GRHL1: variants seen among roughly 807,000 people sequenced by gnomAD.
The protein encoded by GRHL1 is grainyhead like transcription factor 1, also known as grainyhead-like protein 1 homolog.
Under a neutral mutation model 75.7 loss-of-function variants are expected in GRHL1, and 38 were observed. The ratio of observed to expected loss-of-function variants is 0.50; its 90% confidence interval spans 0.39 to 0.66. GRHL1 has a LOEUF of 0.66. Among genes scored for constraint, GRHL1 ranks in the 30% least tolerant of loss-of-function variants. The pLI is 0.00. For synonymous variants in GRHL1, 266 were observed against 279.4 expected, an observed-to-expected ratio of 0.95 and a Z score of 0.48; for missense variants, 589 against 767.5, an observed-to-expected ratio of 0.77 and a Z score of 2.75.
Position 9,968,707 on chromosome 2 carries a change from G to A in GRHL1, c.1110+3326G>A, listed in dbSNP as rs1242792437. Among the ~76,000 whole-genome samples the A allele has an allele frequency of 6.6e-6, 1 of 152,032 alleles. No individual in the cohort carries two copies. Among genetic ancestry groups the A allele is most frequent in the Non-Finnish European group, 1.5e-5 (1 of 68,014 alleles). ...GAGAGGCCTAGGAGCTGAGGGGAGG[G>A]GTGCATACAGCGAGATGGGAGAAAG... On this transcript the variant is annotated intron_variant, in intron 8 of 15. Transcript: ENST00000324907. The surrounding 1 kb of genome is among the most constrained non-coding windows in gnomAD (Gnocchi z 4.7).
chr2:9,964,209 A>C, intron 6 of GRHL1, 26 bp from the exon 7 acceptor site: 1 of 1,428,126 alleles, frequency 7.0e-7, no homozygotes, highest in East Asian at 2.3e-5. Context: ...TAGTGTCTTT[A>C]TGTTGTAATG....
intron 8 of GRHL1, among the ~76,000 whole-genome samples, chr2:9,969,713 G>C (rs1170558589): frequency 6.6e-6 from 1 of 152,180 alleles, no homozygotes; most frequent in Non-Finnish European, 1.5e-5. Flanking sequence ...TCTGGGGGTG[G>C]TGTAGGGACA....
At chr2:9,994,646 CTG>C (rs1201926680) in intron 12 of GRHL1, among the ~76,000 whole-genome samples, 2 of 152,098 alleles carry the variant, frequency 1.3e-5, no homozygotes, top group African/African-American at 2.4e-5. Flanking sequence ...TAGACGGCTG[CTG>C]TGTGTTAGGA....
chr2:9,963,933 A>T lies in GRHL1; in HGVS notation c.794A>T (p.Lys265Met), dbSNP rs926399193. 36 of 1,613,852 alleles carry T rather than the reference A, an allele frequency of 2.2e-5. No homozygotes were observed. The highest frequency in any genetic ancestry group is 3.0e-5 in the Non-Finnish European group (35 of 1,179,836). Residue 265 changes from lysine (K) to methionine (M), a missense_variant, in exon 6 of 16, where the codon AAG (lysine) becomes ATG (methionine). Physicochemically the swap from Lys to Met is moderately conservative, Grantham distance 95 (BLOSUM62 -1). Coordinates refer to ENST00000324907, the MANE Select transcript of GRHL1 (RefSeq NM_198182.3). ...GAAGCTTCAAAATCACTTCGACAGA[A>T]GCCAGGAGACAGTACCATGACGTAC... ...TLEASKSLRQ[K>M]PGDSTMTYLN... is the part of the protein sequence containing the mutation.
rs145782717 is a variant in GRHL1, at chr2:9,996,946, G to C, written c.1677+545G>C. 6.2e-3 allele frequency among the ~76,000 whole-genome samples: 950 copies of C among 152,298 alleles called. 9 individuals carry two copies. Among genetic ancestry groups the C allele is most frequent in the African/African-American group, 0.022 (914 of 41,536 alleles). Reference sequence around the variant, plus strand: ...TCCCTGTGGGGATATCAGTAAGAGAGGAAACATGGAAGGCTGCTGTGTTAA... The same window carrying C: ...TCCCTGTGGGGATATCAGTAAGAGACGAAACATGGAAGGCTGCTGTGTTAA... On this transcript the variant is annotated intron_variant, in intron 14 of 15. Coordinates refer to ENST00000324907, the MANE Select transcript of GRHL1 (RefSeq NM_198182.3).
At position 9,951,792 on chromosome 2, in the gene GRHL1, C is replaced by T; in HGVS notation, c.-42C>T. ...CCGGATCGGGTGTACTGTCCCAACC[C>T]GAAAGTCCAGTTCTGCGGCCCGGCA... On this transcript the variant is annotated 5_prime_UTR_variant, in exon 1 of 16. Coordinates refer to ENST00000324907, the MANE Select transcript of GRHL1 (RefSeq NM_198182.3). The surrounding 1 kb of genome is among the most constrained non-coding windows in gnomAD (Gnocchi z 4.2). 6.6e-7 allele frequency: 1 copy of T among 1,518,728 alleles called. No homozygotes were observed. The highest frequency in any genetic ancestry group is 8.8e-7 in the Non-Finnish European group (1 of 1,130,976). The allele number at this position is 1,518,728 out of a possible 1,614,324, so 94.1% of individuals were successfully genotyped here.
Position 9,951,980 on chromosome 2 carries a change from C to G in GRHL1, c.20+127C>G, listed in dbSNP as rs1430964037. 1 of 347,858 alleles carries G rather than the reference C, an allele frequency of 2.9e-6. No homozygotes were observed. Among genetic ancestry groups the G allele is most frequent in the African/African-American group, 2.2e-5 (1 of 45,222 alleles). 21.5% of individuals were successfully genotyped at this position (347,858 alleles called of 1,614,324 possible). ...CGGGCGCGGGGCGCGAGCCGGGGGC[C>G]GCTGTCCACTCCACGCCGCCACGGC... On this transcript the variant is annotated intron_variant, in intron 1 of 15. Transcript: ENST00000324907. This position sits in a 1 kb window ranked among gnomAD's most constrained non-coding sequence, Gnocchi z 4.2.
intron 14 of GRHL1, among the ~76,000 whole-genome samples, chr2:9,997,605 T>C (rs1668923940): frequency 6.6e-6 from 1 of 152,104 alleles, no homozygotes; most frequent in Admixed American, 6.5e-5. Flanking sequence ...GAGGATCACC[T>C]GAGGTCAGGA....
Position 9,951,825 on chromosome 2 carries a change from G to T in GRHL1, c.-9G>T, listed in dbSNP as rs1666783371. 2 of 1,527,276 alleles carry T rather than the reference G, an allele frequency of 1.3e-6. No individual in the cohort carries two copies. The highest frequency in any genetic ancestry group is 1.4e-5 in the African/African-American group (1 of 69,298). 94.6% of individuals were successfully genotyped at this position (1,527,276 alleles called of 1,614,324 possible). ...CAGTTCTGCGGCCCGGCAGCGGCGA[G>T]CGGGCGCGATGACACAGGAGTACGA... is the stretch of plus-strand genomic sequence containing the variant. On this transcript the variant is annotated 5_prime_UTR_variant, in exon 1 of 16. Transcript: ENST00000324907. This position sits in a 1 kb window ranked among gnomAD's most constrained non-coding sequence, Gnocchi z 4.2.
chr2:9,978,523 A>G (rs1199484234), intron 8 of GRHL1, among the ~76,000 whole-genome samples: 1 of 152,156 alleles, frequency 6.6e-6, no homozygotes, highest in African/African-American at 2.4e-5. Flanking sequence ...AGGCCTTGAG[A>G]ATTTGGATTC....
intron 8 of GRHL1, among the ~76,000 whole-genome samples, chr2:9,981,342 A>C (rs542442649): frequency 1.3e-5 from 2 of 152,358 alleles, no homozygotes; most frequent in Non-Finnish European, 2.9e-5. Context: ...ATGTCTTGCC[A>C]GGAAGTCGCT....
chr2:9,993,228 G>T lies in GRHL1; in HGVS notation c.1483G>T (p.Glu495Ter). ...TTAGGTCCTTCCCATTGCCTCTGAA[G>T]AATTGGAGGGTGAAGGGTAAGATTT... ...GTHVLPIASE[E>*]LEGEGSVLKR... The change falls in exon 12 of 16, where the codon GAA becomes TAA. Residue 495 changes from glutamate (E) to a stop codon, truncating the protein, a stop_gained. Transcript: ENST00000324907. LOFTEE classifies it high-confidence loss of function. The T allele has an allele frequency of 6.2e-7, 1 of 1,610,704 alleles. No homozygotes were observed. Among genetic ancestry groups the T allele is most frequent in the Non-Finnish European group, 8.5e-7 (1 of 1,176,894 alleles).
At chr2:9,985,378 A>G (rs1290943786) in intron 8 of GRHL1, among the ~76,000 whole-genome samples, 4 of 152,214 alleles carry the variant, frequency 2.6e-5, no homozygotes, top group Non-Finnish European at 5.9e-5. Flanking sequence ...CCTATTAACA[A>G]ACGTTACCAC....
At position 9,951,867 on chromosome 2, in the gene GRHL1, A is replaced by T. The variant is rs760588661; in HGVS notation, c.20+14A>T. The T allele has an allele frequency of 6.8e-7, 1 of 1,467,476 alleles. No individual in the cohort carries two copies. The highest frequency in any genetic ancestry group is 9.1e-7 in the Non-Finnish European group (1 of 1,099,936). The allele number at this position is 1,467,476 out of a possible 1,614,324, so 90.9% of individuals were successfully genotyped here. A position where few individuals can be genotyped will look rare whatever the true frequency, so the allele number is the denominator to read the frequency against. ...GGAGTACGACAAGTGAGTGAGGCGC[A>T]GGAGTCCGGCCGCCGCGGGGGGGCC... On this transcript the variant is annotated intron_variant, in intron 1 of 15. Transcript: ENST00000324907. This position sits in a 1 kb window ranked among gnomAD's most constrained non-coding sequence, Gnocchi z 4.2.
rs1472059550 is a variant in GRHL1 at position 9,987,887 on chromosome 2, CG to C, written c.1269+1610del. On this transcript the variant is annotated intron_variant, in intron 9 of 15. Transcript: ENST00000324907. This position sits in a 1 kb window ranked among gnomAD's most constrained non-coding sequence, Gnocchi z 4.2. ...TATTGGACCTATTTTTGGCAGGGGA[CG>C]GGGGCAGTTCTTTTCATCCTATTAA... is the stretch of plus-strand genomic sequence containing the variant. Among the ~76,000 whole-genome samples, 2 of 151,984 alleles carry C rather than the reference CG, an allele frequency of 1.3e-5. No homozygotes were observed. Among genetic ancestry groups the C allele is most frequent in the Admixed American group, 1.3e-4 (2 of 15,254 alleles).
Position 9,962,498 on chromosome 2 carries a change from A to C in GRHL1, c.713A>C (p.Asn238Thr), listed in dbSNP as rs1282532825. 6.2e-7 allele frequency: 1 copy of C among 1,601,470 alleles called. No individual in the cohort carries two copies. The highest frequency in any genetic ancestry group is 1.3e-5 in the African/African-American group (1 of 74,688). ...CTCAGTCTGCGGATGCCTGGCATGA[A>C]TTCAGAGGACTATGTTTTTGACAGT... ...SDLSLRMPGM[N>T]SEDYVFDSVS... Residue 238 changes from asparagine (N) to threonine (T), a missense_variant, in exon 5 of 16, where the codon AAT becomes ACT. By Grantham distance (65) the Asn-to-Thr change is moderately conservative. Around this residue, in one of 5 missense-constraint regions of GRHL1, gnomAD observed 362 missense variants for 461.8 expected, o/e 0.78. Coordinates refer to ENST00000324907, the MANE Select transcript of GRHL1 (RefSeq NM_198182.3).
intron 1 of GRHL1, among the ~76,000 whole-genome samples, chr2:9,954,582 A>G (rs1461875136): frequency 6.6e-6 from 1 of 151,938 alleles, no homozygotes; most frequent in East Asian, 1.9e-4. Context: ...TCTTTTCTTT[A>G]CTGTGTCCTT....
chr2:9,979,053 A>C (rs913839798), intron 8 of GRHL1, among the ~76,000 whole-genome samples: 5 of 144,480 alleles, frequency 3.5e-5, no homozygotes, highest in African/African-American at 1.3e-4. Flanking sequence ...CTAGCTACTC[A>C]GGAGGCTGAG....
In GRHL1 at chr2:9,969,434, T is replaced by C. The variant is rs566850522; in HGVS notation, c.1110+4053T>C. On this transcript the variant is annotated intron_variant, in intron 8 of 15. Coordinates refer to ENST00000324907, the MANE Select transcript of GRHL1 (RefSeq NM_198182.3). ...GCTAAACTCTAGACCTTGAAATGGA[T>C]AGAAAACATTCTTGACAGGGAAGAT... Among the ~76,000 whole-genome samples the C allele has an allele frequency of 1.4e-3, 215 of 152,344 alleles. 1 individual carries two copies. Among genetic ancestry groups the C allele is most frequent in the African/African-American group, 5.0e-3 (208 of 41,582 alleles).
Sources: allele counts gnomAD v4.1 joint callset (sites outside exome capture counted in the v4.1 genomes callset), GRCh38; gene constraint gnomAD v4.1.1; regional missense constraint gnomAD v4.1.1; non-coding constraint Gnocchi (gnomAD v3.1); transcripts MANE v1.5; gene names NCBI Gene and HGNC (gene_info 2026-07-23, HGNC 2026-07-21).